The following CNTN6 variants were observed in gnomAD, a reference collection of about 807,000 sequenced individuals.
The protein encoded by CNTN6 is contactin 6, also known as contactin-6.
In CNTN6, 137 loss-of-function variants were observed where a neutral mutation model predicts 122.8. The ratio of observed to expected loss-of-function variants is 1.12; its 90% CI spans 0.97 to 1.29. The LOEUF is 1.29. Ranked by LOEUF, CNTN6 falls within the 50% of genes most tolerant of loss-of-function variation. The pLI, the probability that CNTN6 is intolerant of heterozygous loss-of-function variation, is 0.00. For missense variants in CNTN6, 1,634 were observed against 1,223.4 expected (o/e 1.34, Z -5.01); for synonymous variants, 570 against 426.0 (o/e 1.34, Z -4.16).
At chr3:1,238,878 T>C (rs2094450519) in intron 4 of CNTN6, among the ~76,000 whole-genome samples, 1 of 152,130 alleles carries the variant, frequency 6.6e-6, no homozygotes, top group East Asian at 1.9e-4. Flanking sequence ...ATAAATAAAA[T>C]TGATAGACTG....
chr3:1,139,033 GCC>G (rs1216901785), intron 1 of CNTN6, among the ~76,000 whole-genome samples: 2 of 152,048 alleles, frequency 1.3e-5, no homozygotes. Context: ...CCAACCTTTA[GCC>G]CAGGGGTGGG....
intron 2 of CNTN6, among the ~76,000 whole-genome samples, chr3:1,167,357 A>G (rs1322097618): frequency 6.6e-6 from 1 of 152,080 alleles, no homozygotes; most frequent in African/African-American, 2.4e-5. Flanking sequence ...CCTAGGTGTT[A>G]CCTTCCTTTT....
chr3:1,301,916 CAAATT>C (rs1314960245), intron 7 of CNTN6, among the ~76,000 whole-genome samples: 4 of 152,122 alleles, frequency 2.6e-5, no homozygotes, highest in Admixed American at 1.3e-4. Context: ...TTTCAGAAAA[CAAATT>C]AAATTATCTT....
chr3:1,336,898 G>A (rs542888246), intron 11 of CNTN6, among the ~76,000 whole-genome samples: 44 of 152,230 alleles, frequency 2.9e-4, no homozygotes, highest in African/African-American at 1.1e-3. Flanking sequence ...AGATCGTAGG[G>A]AAAGTGGAAA....
At chr3:1,340,865 A>G (rs1481436009) in intron 11 of CNTN6, among the ~76,000 whole-genome samples, 1 of 152,118 alleles carries the variant, frequency 6.6e-6, no homozygotes, top group Non-Finnish European at 1.5e-5. Flanking sequence ...GTTAATAATC[A>G]TTAGCGTTCC....
intron 2 of CNTN6, among the ~76,000 whole-genome samples, chr3:1,156,591 A>ACTTT (rs563531667): frequency 5.9e-5 from 9 of 151,472 alleles, no homozygotes; most frequent in South Asian, 4.2e-4. Flanking sequence ...TGAGTCTCAG[A>ACTTT]CTTTCTTTCT....
intron 1 of CNTN6, among the ~76,000 whole-genome samples, chr3:1,125,099 A>G (rs954727337): frequency 3.3e-5 from 5 of 152,006 alleles, no homozygotes; most frequent in African/African-American, 1.2e-4. Context: ...TGTGATAGTT[A>G]AGAAATATGT....
intron 1 of CNTN6, among the ~76,000 whole-genome samples, chr3:1,126,347 C>G (rs569017287): frequency 9.2e-5 from 14 of 151,806 alleles, no homozygotes; most frequent in Non-Finnish European, 1.8e-4. Flanking sequence ...AAACCAGATT[C>G]TCTAATTTCC....
chr3:1,303,841 C>T (rs1480218782), intron 7 of CNTN6, among the ~76,000 whole-genome samples: 2 of 152,242 alleles, frequency 1.3e-5, no homozygotes, highest in Admixed American at 6.5e-5. Context: ...TGTGAATCCT[C>T]GAGTTTTCTG....
intron 1 of CNTN6, among the ~76,000 whole-genome samples, chr3:1,097,150 A>G (rs2090572946): frequency 6.6e-6 from 1 of 152,240 alleles, no homozygotes; most frequent in Non-Finnish European, 1.5e-5. Flanking sequence ...GGCGTAACAC[A>G]GGACATAGTA....
chr3:1,250,622 CCTT>C (rs2094649918), intron 4 of CNTN6, among the ~76,000 whole-genome samples: 1 of 152,164 alleles, frequency 6.6e-6, no homozygotes, highest in Non-Finnish European at 1.5e-5. Context: ...ATTGCCCAAA[CCTT>C]CATCTACATA....
chr3:1,257,019 A>G (rs1359805037), intron 4 of CNTN6, among the ~76,000 whole-genome samples: 7 of 152,176 alleles, frequency 4.6e-5, no homozygotes, highest in Non-Finnish European at 8.8e-5. Context: ...CGAATATGCT[A>G]TTACATCAAT....
intron 2 of CNTN6, among the ~76,000 whole-genome samples, chr3:1,199,689 C>T (rs13096506): frequency 1.6e-4 from 24 of 151,952 alleles, no homozygotes; most frequent in Admixed American, 2.0e-4. Flanking sequence ...GGAACACAGA[C>T]GGGAGGAGAT....
intron 11 of CNTN6, among the ~76,000 whole-genome samples, chr3:1,331,948 G>T (rs1385134578): frequency 2.0e-5 from 3 of 151,714 alleles, no homozygotes; most frequent in South Asian, 2.1e-4. Context: ...GAATAAATTT[G>T]GGGTCATTTT....
intron 2 of CNTN6, among the ~76,000 whole-genome samples, chr3:1,177,564 G>A (rs534957281): frequency 6.6e-6 from 1 of 152,096 alleles, no homozygotes; most frequent in Admixed American, 6.5e-5. Flanking sequence ...TATATTTCAA[G>A]TTCAGCTCTG....
In CNTN6 at chr3:1,261,608, C is replaced by T. The variant is rs542730699; in HGVS notation, c.359-16805C>T. Among the ~76,000 whole-genome samples, 4 of 152,162 alleles carry T rather than the reference C, an allele frequency of 2.6e-5. No homozygotes were observed. In the South Asian group the frequency reaches 8.3e-4, roughly 32 times the overall value. Reference sequence around the variant, plus strand: ...CTCAGAGCATTCTCAGGCAGAGCAACCCAAATGGAGGCAGCAAACCCTCTA... The same window carrying T: ...CTCAGAGCATTCTCAGGCAGAGCAATCCAAATGGAGGCAGCAAACCCTCTA... On this transcript the variant is annotated intron_variant, in intron 4 of 22. Coordinates refer to ENST00000446702, the MANE Select transcript of CNTN6 (RefSeq NM_001289080.2).
chr3:1,238,499 T>C (rs1404008147), intron 4 of CNTN6, among the ~76,000 whole-genome samples: 2 of 152,166 alleles, frequency 1.3e-5, no homozygotes, highest in Admixed American at 1.3e-4. Context: ...AGTGGAGGAC[T>C]TTAACACTCC....
At chr3:1,371,195 G>C (rs951398502) in intron 12 of CNTN6, among the ~76,000 whole-genome samples, 1 of 152,114 alleles carries the variant, frequency 6.6e-6, no homozygotes, top group Non-Finnish European at 1.5e-5. Context: ...CTCAATGTTA[G>C]TTTGGTTTCT....
At chr3:1,325,749 T>C (rs1701444186) in intron 8 of CNTN6, 66 bp from the exon 9 acceptor site, 1 of 1,552,594 alleles carries the variant, frequency 6.4e-7, no homozygotes, top group South Asian at 1.2e-5. Flanking sequence ...ACAGCCCTTG[T>C]AATGTAGCAT....
Sources: gnomAD v4.1 joint callset for allele counts (sites outside exome capture counted in the v4.1 genomes callset) on GRCh38, gnomAD v4.1.1 for gene constraint, MANE v1.5 for transcripts, NCBI Gene and HGNC (gene_info 2026-07-23, HGNC 2026-07-21) for gene names.